The following MYRFL variants were observed in gnomAD, a reference collection of about 807,000 sequenced individuals.
MYRFL encodes the protein myelin regulatory factor-like protein.
A neutral mutation model predicts 109.4 loss-of-function variants in MYRFL; 88 were observed. That is an observed-to-expected ratio of 0.80 (90% CI 0.68 to 0.96). The LOEUF (loss-of-function observed/expected upper bound fraction) is 0.96, where lower values mean the gene tolerates loss of function less well. MYRFL is among the 40% of genes least tolerant of loss of function. The probability of loss-of-function intolerance (pLI) is 0.00; values close to 1 mark genes in which losing one functional copy is unlikely to be tolerated. For synonymous variants in MYRFL, 324 were observed against 320.9 expected (o/e 1.01, Z -0.10); for missense variants, 957 against 954.9 (o/e 1.00, Z -0.03).
rs149852202 is a variant in MYRFL, at chr12:69,930,341, G to T, written c.1831-2172G>T. On this transcript the variant is annotated intron_variant, in intron 15 of 24. Transcript: ENST00000552032. ...CAAGATGGTGTTCATTCTGGAGGAAGATTGAAGTCTCCTGATGTAGCTCTC... is the reference window on the plus strand; with the variant it reads ...CAAGATGGTGTTCATTCTGGAGGAATATTGAAGTCTCCTGATGTAGCTCTC... 3.7e-3 allele frequency among the ~76,000 whole-genome samples: 558 copies of T among 152,284 alleles called. 2 individuals carry two copies. Among genetic ancestry groups the T allele is most frequent in the African/African-American group, 0.013 (535 of 41,570 alleles).
At chr12:69,912,968 AT>A (rs201284266) in intron 13 of MYRFL, among the ~76,000 whole-genome samples, 14 of 150,282 alleles carry the variant, frequency 9.3e-5, no homozygotes, top group East Asian at 5.9e-4. Flanking sequence ...GATGCTTGTA[AT>A]TTTTTTTTTC....
intron 7 of MYRFL, among the ~76,000 whole-genome samples, chr12:69,892,097 A>G (rs1886951346): frequency 2.0e-5 from 3 of 152,124 alleles, no homozygotes; most frequent in Non-Finnish European, 2.9e-5. Flanking sequence ...TAATTATTTT[A>G]TTTTTATTGA....
chr12:69,891,419 T>G (rs953488937), intron 7 of MYRFL, among the ~76,000 whole-genome samples: 1 of 152,198 alleles, frequency 6.6e-6, no homozygotes, highest in Non-Finnish European at 1.5e-5. Context: ...GGCCATCAGC[T>G]GGAGCTCAAA....
At chr12:69,945,522 A>G (rs1037369730) in intron 19 of MYRFL, among the ~76,000 whole-genome samples, 6 of 152,186 alleles carry the variant, frequency 3.9e-5, no homozygotes, top group Non-Finnish European at 1.5e-5. Context: ...AGGCTATACA[A>G]TCTAGGTTTG....
At chr12:69,898,984 C>G (rs1234188657) in intron 10 of MYRFL, among the ~76,000 whole-genome samples, 1 of 152,172 alleles carries the variant, frequency 6.6e-6, no homozygotes, top group African/African-American at 2.4e-5. Context: ...GTCGAAAGTT[C>G]CATGATTCGT....
At chr12:69,927,879 T>C in intron 15 of MYRFL, 131 bp downstream of exon 15, 2 of 776,026 alleles carry the variant, frequency 2.6e-6, no homozygotes, top group Non-Finnish European at 4.0e-6. Context: ...ATGTACTATA[T>C]GTGTTTAAAT....
intron 2 of MYRFL, among the ~76,000 whole-genome samples, chr12:69,866,986 G>T (rs1252725294): frequency 6.6e-6 from 1 of 152,200 alleles, no homozygotes; most frequent in African/African-American, 2.4e-5. Flanking sequence ...TTATTTGGCC[G>T]TGGGCCCCAT....
chr12:69,891,579 T>TTC (rs1886814655), intron 7 of MYRFL, among the ~76,000 whole-genome samples: 1 of 125,156 alleles, frequency 8.0e-6, no homozygotes, highest in South Asian at 2.6e-4. Flanking sequence ...CTTTCTTTCT[T>TTC]TCTTTCTTTC....
intron 1 of MYRFL, among the ~76,000 whole-genome samples, chr12:69,852,469 A>G (rs184472156): frequency 6.6e-5 from 10 of 150,918 alleles, no homozygotes; most frequent in African/African-American, 2.4e-4. Context: ...TAGTTTTCAT[A>G]TTTAATTTTA....
intron 2 of MYRFL, among the ~76,000 whole-genome samples, chr12:69,869,651 A>G (rs1885222996): frequency 6.6e-6 from 1 of 152,168 alleles, no homozygotes; most frequent in Admixed American, 6.5e-5. Flanking sequence ...GGTGCAATAG[A>G]GCTTTAGAGA....
intron 19 of MYRFL, among the ~76,000 whole-genome samples, chr12:69,945,282 C>CTGAT (rs1207262566): frequency 1.3e-5 from 2 of 151,584 alleles, no homozygotes; most frequent in African/African-American, 4.8e-5. Context: ...CGCTCACTCA[C>CTGAT]TGATTGACTC....
At chr12:69,839,174 G>A (rs533507895) in intron 1 of MYRFL, among the ~76,000 whole-genome samples, 15 of 152,238 alleles carry the variant, frequency 9.9e-5, no homozygotes, top group Admixed American at 8.5e-4. Flanking sequence ...TCCTGCAAAC[G>A]GAAGCCAAAT....
chr12:69,892,739 A>G (rs995141210), intron 7 of MYRFL, among the ~76,000 whole-genome samples: 3 of 152,258 alleles, frequency 2.0e-5, no homozygotes, highest in Non-Finnish European at 4.4e-5. Context: ...CATTCTTTGT[A>G]TGATTATGAA....
intron 2 of MYRFL, among the ~76,000 whole-genome samples, chr12:69,875,874 G>A (rs888049160): frequency 2.0e-5 from 3 of 152,152 alleles, no homozygotes; most frequent in Non-Finnish European, 4.4e-5. Flanking sequence ...TTTGTACCTG[G>A]ACATTGTGAA....
chr12:69,887,271 A>G (rs10784795), intron 6 of MYRFL, among the ~76,000 whole-genome samples: 55,302 of 152,052 alleles, frequency 0.36, 10,952 homozygotes, highest in African/African-American at 0.52. Flanking sequence ...CTGGAATATA[A>G]ACATTCCCCA....
chr12:69,866,561 C>G (rs1421160865), intron 2 of MYRFL, among the ~76,000 whole-genome samples: 2 of 152,070 alleles, frequency 1.3e-5, no homozygotes, highest in African/African-American at 4.8e-5. Context: ...TGCCTGGGTA[C>G]TAGAGGTGGG....
chr12:69,914,753 G>A (rs751933252), intron 13 of MYRFL, among the ~76,000 whole-genome samples: 2 of 152,194 alleles, frequency 1.3e-5, no homozygotes, highest in Non-Finnish European at 2.9e-5. Context: ...CAGGCAGCCA[G>A]CCTCATTCAT....
intron 21 of MYRFL, among the ~76,000 whole-genome samples, chr12:69,954,764 C>T (rs970374034): frequency 1.1e-4 from 16 of 152,002 alleles, no homozygotes; most frequent in African/African-American, 2.2e-4. Flanking sequence ...CGTTACAATA[C>T]GAATCAAAGG....
At chr12:69,863,136 G>T (rs1187139320) in intron 2 of MYRFL, among the ~76,000 whole-genome samples, 1 of 152,082 alleles carries the variant, frequency 6.6e-6, no homozygotes, top group South Asian at 2.1e-4. Context: ...TTGATGTGCT[G>T]CTGGATTCGG....
Sources: allele counts gnomAD v4.1 joint callset (sites outside exome capture counted in the v4.1 genomes callset), GRCh38; gene constraint gnomAD v4.1.1; transcripts MANE v1.5; gene names NCBI Gene and HGNC (gene_info 2026-07-23, HGNC 2026-07-21).